SETD5: variants seen among roughly 807,000 people sequenced by gnomAD.
The protein encoded by SETD5 is SET domain containing 5, also known as histone-lysine N-methyltransferase SETD5.
Under a neutral mutation model 153.3 loss-of-function variants are expected in SETD5, and 44 were observed. That is an observed-to-expected ratio of 0.29 (90% CI 0.23 to 0.37). SETD5 has a LOEUF of 0.37. Ranked by LOEUF, SETD5 falls within the 10% of genes least tolerant of loss-of-function variation. SETD5 has a pLI of 1.00. For synonymous variants in SETD5, 716 were observed against 645.2 expected (o/e 1.11, Z -1.66); for missense variants, 1,544 against 1,768.0 (o/e 0.87, Z 2.27).
chr3:9,445,185 G>A lies in SETD5; in HGVS notation c.1325G>A (p.Arg442Lys). 6.2e-7 allele frequency: 1 copy of A among 1,613,968 alleles called. No homozygotes were observed. The change falls in exon 12 of 23, where the codon AGA (arginine) becomes AAA (lysine). Residue 442 changes from arginine to lysine, a missense_variant. Coordinates refer to ENST00000402198, the MANE Select transcript of SETD5 (RefSeq NM_001080517.3). ...ACCATTGGAGCAGAGACTAGACGTA[G>A]AAAAGCACGACGGAAAGAGCTAGAG... ...LPTIGAETRR[R>K]KARRKELEME... is the part of the protein sequence containing the mutation.
At chr3:9,464,088 A>C (rs554966829) in intron 17 of SETD5, among the ~76,000 whole-genome samples, 1 of 152,332 alleles carries the variant, frequency 6.6e-6, no homozygotes, top group Admixed American at 6.5e-5. Flanking sequence ...AGTAAATGCC[A>C]TTGCACTCCA....
In SETD5 at chr3:9,447,074, G is replaced by T; in HGVS notation, c.1549G>T (p.Ala517Ser). Residue 517 changes from alanine (A) to serine (S), a missense_variant, in exon 14 of 23, where the codon GCC (alanine) becomes TCC (serine). By Grantham distance (99) the Ala-to-Ser change is moderately conservative. Transcript: ENST00000402198. The stretch of plus-strand genomic sequence containing the variant: ...GACCAGGGAAGATAGAAAGGTAGAA[G>T]CCATCATGCATGCTTTTGAAAACTT... ...RRTREDRKVE[A>S]IMHAFENLEK... 2 of 1,613,146 alleles carry T rather than the reference G, an allele frequency of 1.2e-6. No individual in the cohort carries two copies. Among genetic ancestry groups the T allele is most frequent in the Non-Finnish European group, 1.7e-6 (2 of 1,179,474 alleles).
intron 1 of SETD5, chr3:9,398,618 G>A (rs1442447214): frequency 6.6e-6 from 1 of 152,268 alleles, no homozygotes; most frequent in East Asian, 1.9e-4. Context: ...CGAGCCTGGA[G>A]TTGAGCCAGA....
intron 1 of SETD5, among the ~76,000 whole-genome samples, chr3:9,410,065 T>A (rs1486105654): frequency 6.6e-6 from 1 of 152,186 alleles, no homozygotes; most frequent in Non-Finnish European, 1.5e-5. Context: ...GAGAAATGTG[T>A]TGTCAGGTGA....
intron 15 of SETD5, 34 bp from the exon 16 acceptor site, chr3:9,448,353 TG>T: frequency 6.2e-7 from 1 of 1,606,302 alleles, no homozygotes; most frequent in Non-Finnish European, 8.5e-7. Context: ...TGCTACCTCT[TG>T]ATTTATAAAC....
At chr3:9,425,788 A>AT (rs929841379) in intron 2 of SETD5, among the ~76,000 whole-genome samples, 2 of 152,060 alleles carry the variant, frequency 1.3e-5, no homozygotes, top group African/African-American at 4.8e-5. Flanking sequence ...GAAACCATGC[A>AT]TTTTTTAAAT....
At chr3:9,428,369 T>G (rs1204297928) in intron 2 of SETD5, among the ~76,000 whole-genome samples, 1 of 152,220 alleles carries the variant, frequency 6.6e-6, no homozygotes, top group Non-Finnish European at 1.5e-5. Flanking sequence ...AATAACATTA[T>G]TGACTGCTTG....
At chr3:9,406,259 T>C (rs1217311234) in intron 1 of SETD5, among the ~76,000 whole-genome samples, 1 of 152,206 alleles carries the variant, frequency 6.6e-6, no homozygotes, top group East Asian at 1.9e-4. Context: ...CAAAAGAGTT[T>C]AACCTAAAAC....
intron 3 of SETD5, chr3:9,431,818 T>C (rs900697553): frequency 1.7e-5 from 13 of 769,582 alleles, no homozygotes; most frequent in African/African-American, 1.1e-4. Flanking sequence ...ACTTTCCTTT[T>C]TCCTGTCCCC....
At chr3:9,416,608 A>G (rs528027650) in intron 1 of SETD5, among the ~76,000 whole-genome samples, 3 of 152,308 alleles carry the variant, frequency 2.0e-5, no homozygotes, top group Non-Finnish European at 2.9e-5. Context: ...AAATCTAGCA[A>G]TTGTTGAATT....
At chr3:9,428,688 ATTTAT>A (rs916525359) in intron 2 of SETD5, 130 bp from the exon 3 acceptor site, 1 of 280,508 alleles carries the variant, frequency 3.6e-6, no homozygotes, top group South Asian at 7.5e-5. Context: ...CTGTGGCTGT[ATTTAT>A]TTTATAATTA....
At chr3:9,424,316 C>T (rs1049129495) in intron 1 of SETD5, among the ~76,000 whole-genome samples, 151 bp from the exon 2 acceptor site, 3 of 151,904 alleles carry the variant, frequency 2.0e-5, no homozygotes, top group South Asian at 2.1e-4. Context: ...AATTCAGTGC[C>T]GGATGGACGT....
chr3:9,465,390 C>G (rs887921414), intron 18 of SETD5, among the ~76,000 whole-genome samples: 3 of 152,132 alleles, frequency 2.0e-5, no homozygotes, highest in Admixed American at 2.0e-4. Flanking sequence ...TCAATAGAAT[C>G]CATGTATACT....
rs954740520 is a variant in SETD5 at position 9,470,856 on chromosome 3, C to T, written c.3122C>T (p.Ser1041Phe). Reference protein sequence around the residue: ...HGLMKDLSRGSLSPGGERACE... With the variant: ...HGLMKDLSRGFLSPGGERACE... ...TTAATGAAAGACCTCTCTCGTGGAT[C>T]CTTGTCACCTGGTGGTGAAAGGGCC... is the stretch of plus-strand genomic sequence containing the variant. The change falls in exon 19 of 23, where the codon TCC becomes TTC. Residue 1041 changes from serine to phenylalanine, a missense_variant. Ser to Phe is a radical substitution (Grantham distance 155). This residue lies in a region of SETD5 where 782 missense variants were observed against 787.2 expected (regional missense o/e 0.99). Transcript: ENST00000402198. 2.5e-6 allele frequency: 4 copies of T among 1,611,812 alleles called. No individual in the cohort carries two copies. Among genetic ancestry groups the T allele is most frequent in the South Asian group, 1.1e-5 (1 of 90,618 alleles).
At chr3:9,439,466 T>C (rs2041005771) in intron 7 of SETD5, among the ~76,000 whole-genome samples, 1 of 152,234 alleles carries the variant, frequency 6.6e-6, no homozygotes, top group African/African-American at 2.4e-5. Context: ...GTTTGCAAGT[T>C]TAATGTGGAC....
chr3:9,463,094 G>C (rs1273170347), intron 17 of SETD5, among the ~76,000 whole-genome samples: 1 of 151,962 alleles, frequency 6.6e-6, no homozygotes, highest in African/African-American at 2.4e-5. Context: ...GTCTCAACTC[G>C]CTGCAACCTC....
intron 1 of SETD5, among the ~76,000 whole-genome samples, chr3:9,409,989 T>C (rs763987186): frequency 6.6e-6 from 1 of 152,238 alleles, no homozygotes; most frequent in Non-Finnish European, 1.5e-5. Flanking sequence ...TCATGTCTTT[T>C]TGCCCTTAGG....
intron 3 of SETD5, chr3:9,431,836 CA>C (rs954653709): frequency 1.3e-3 from 677 of 530,624 alleles, no homozygotes; most frequent in Non-Finnish European, 1.5e-3. Flanking sequence ...CCCCTCCCAC[CA>C]AAAAAAAATC....
chr3:9,436,988 C>T, intron 7 of SETD5: 2 of 1,085,074 alleles, frequency 1.8e-6, no homozygotes, highest in Non-Finnish European at 2.7e-6. Context: ...ATCTTGGACT[C>T]TGCTTTTCAT....
Sources: allele counts gnomAD v4.1 joint callset (sites outside exome capture counted in the v4.1 genomes callset), GRCh38; gene constraint gnomAD v4.1.1; regional missense constraint gnomAD v4.1.1; transcripts MANE v1.5; gene names NCBI Gene and HGNC (gene_info 2026-07-23, HGNC 2026-07-21).